Variants in DNAH3 observed in about 807,000 individuals in gnomAD.
The protein encoded by DNAH3 is dynein axonemal heavy chain 3.
DNAH3 carries 332 observed loss-of-function variants against 432.5 expected under a neutral mutation model. The observed-to-expected ratio is 0.77, with a 90% CI of 0.70 to 0.84. The LOEUF (loss-of-function observed/expected upper bound fraction) is 0.84. Among genes scored for constraint, DNAH3 ranks in the 40% least tolerant of loss-of-function variants. The pLI, the probability that DNAH3 is intolerant of heterozygous loss-of-function variation, is 0.00. For synonymous variants in DNAH3, 1,956 were observed against 1,900.2 expected (o/e 1.03, Z -0.76); for missense variants, 4,861 against 5,114.0 (o/e 0.95, Z 1.51).
At chr16:21,022,241 G>A (rs1419211117) in intron 39 of DNAH3, 141 bp from the exon 40 acceptor site, 8 of 810,772 alleles carry the variant, frequency 9.9e-6, no homozygotes, top group African/African-American at 1.7e-5. Flanking sequence ...AAAACTTATA[G>A]GCAACAAGAC....
At chr16:20,961,384 C>T (rs1567532377) in intron 53 of DNAH3, among the ~76,000 whole-genome samples, 1 of 151,964 alleles carries the variant, frequency 6.6e-6, no homozygotes, top group Non-Finnish European at 1.5e-5. Flanking sequence ...TTAGGAGATA[C>T]ACCTAATGTA....
exon 50 of DNAH3, chr16:20,979,347 C>T (rs867342246): frequency 3.7e-6 from 6 of 1,614,040 alleles, no homozygotes; most frequent in Non-Finnish European, 3.4e-6. Context: ...GCTGCAAAGT[C>T]GAGTTTCTGC....
chr16:21,133,721 C>T (rs564972956), intron 7 of DNAH3, among the ~76,000 whole-genome samples: 10 of 152,284 alleles, frequency 6.6e-5, no homozygotes, highest in Admixed American at 6.5e-4. Context: ...GCCTGGGTAA[C>T]AAGAGCCAAA....
Position 21,049,551 on chromosome 16 carries a change from G to A in DNAH3, c.4461+18C>T. ...CCATGCACAGCTTCTTTGTTCTGCA[G>A]CCTAGAGGCAGAGTTACCTCGATCC... On this transcript the variant is annotated intron_variant, in intron 31 of 61. Transcript: ENST00000261383. 6.2e-7 allele frequency: 1 copy of A among 1,608,084 alleles called. No homozygotes were observed. Among genetic ancestry groups the A allele is most frequent in the Non-Finnish European group, 8.5e-7 (1 of 1,174,576 alleles).
chr16:21,096,944 T>A (rs538686755), intron 18 of DNAH3, among the ~76,000 whole-genome samples: 3 of 152,322 alleles, frequency 2.0e-5, no homozygotes, highest in African/African-American at 7.2e-5. Context: ...TTAACCCATA[T>A]CGGATCAATC....
At chr16:20,985,210 G>A in exon 48 of DNAH3, 1 of 1,614,188 alleles carries the variant, frequency 6.2e-7, no homozygotes, top group Non-Finnish European at 8.5e-7. Flanking sequence ...CACGTCACCT[G>A]TGTTCAGAAG....
chr16:21,102,300 T>C (rs2091856205), intron 16 of DNAH3, among the ~76,000 whole-genome samples: 1 of 152,192 alleles, frequency 6.6e-6, no homozygotes, highest in African/African-American at 2.4e-5. Context: ...ATTGTTCCCA[T>C]TCCTCACAGA....
At chr16:21,033,990 G>A (rs1196998254) in exon 36 of DNAH3, 9 of 1,613,460 alleles carry the variant, frequency 5.6e-6, no homozygotes, top group Non-Finnish European at 5.1e-6. Flanking sequence ...GTAAATCGCC[G>A]AGAGCTGCAG....
intron 51 of DNAH3, among the ~76,000 whole-genome samples, chr16:20,970,778 C>A (rs575452133): frequency 6.6e-6 from 1 of 151,744 alleles, no homozygotes; most frequent in South Asian, 2.1e-4. Context: ...CAAACCATTG[C>A]GCTTGTGAAT....
rs879449661 is a variant in DNAH3, at chr16:21,077,237, A to C, written c.2970-1676T>G. Among the ~76,000 whole-genome samples, 8 of 151,990 alleles carry C rather than the reference A, an allele frequency of 5.3e-5. No homozygotes were observed. The East Asian group carries it at 1.5e-3, about 29-fold the overall frequency. On this transcript the variant is annotated intron_variant, in intron 20 of 61. Coordinates refer to ENST00000261383, the Ensembl canonical transcript of DNAH3. ...GAGTGCAGTGGCATGATCTTGGCTCACTGCAACCTCTGCCTCCCGGATTCA... is the reference window on the plus strand; with the variant it reads ...GAGTGCAGTGGCATGATCTTGGCTCCCTGCAACCTCTGCCTCCCGGATTCA...
intron 1 of DNAH3, among the ~76,000 whole-genome samples, chr16:21,148,648 A>C (rs986268242): frequency 6.6e-6 from 1 of 152,106 alleles, no homozygotes; most frequent in African/African-American, 2.4e-5. Context: ...GCAGAACACA[A>C]TGGAAAGAGG....
In DNAH3 at chr16:21,097,336, G is replaced by A; in HGVS notation, c.2665+19C>T. The A allele has an allele frequency of 6.2e-7, 1 of 1,612,952 alleles. No individual in the cohort carries two copies. The stretch of plus-strand genomic sequence containing the variant: ...CACCTCATCCCCATCTGTCCCAGCA[G>A]AGTGAGATCACCACATACCATTCAT... On this transcript the variant is annotated intron_variant, in intron 18 of 61. Transcript: ENST00000261383.
At chr16:21,153,595 A>T (rs1307700701) in intron 1 of DNAH3, among the ~76,000 whole-genome samples, 1 of 152,122 alleles carries the variant, frequency 6.6e-6, no homozygotes, top group Non-Finnish European at 1.5e-5. Context: ...TTGTTCTTTC[A>T]CTGTTTGGGT....
At chr16:21,113,356 C>G (rs1296765736) in intron 12 of DNAH3, among the ~76,000 whole-genome samples, 1 of 152,160 alleles carries the variant, frequency 6.6e-6, no homozygotes, top group Non-Finnish European at 1.5e-5. Context: ...TCCTCATTAT[C>G]TCTTCTGGCA....
rs750920796 is a variant in DNAH3 at position 21,000,322 on chromosome 16, G to T, written c.6323C>A (p.Ser2108Ter). The change falls in exon 43 of 62, where the codon TCA (serine) becomes TAA (stop). Residue 2108 changes from serine (S) to a stop codon, truncating the protein, a stop_gained. Coordinates refer to ENST00000261383, the Ensembl canonical transcript of DNAH3. LOFTEE classifies it high-confidence loss of function. ...GATGATATCCTGGGTCTGATTGGCTGAGGTTCTGGCAGAGAAATTGATGCA... is the reference window on the plus strand; with the variant it reads ...GATGATATCCTGGGTCTGATTGGCTTAGGTTCTGGCAGAGAAATTGATGCA... 1 of 1,614,198 alleles carries T rather than the reference G, an allele frequency of 6.2e-7. No individual in the cohort carries two copies. The highest frequency in any genetic ancestry group is 8.5e-7 in the Non-Finnish European group (1 of 1,180,038).
chr16:20,980,322 ATATAC>A lies in DNAH3; in HGVS notation c.7860-781_7860-777del, dbSNP rs1223202961. 7.9e-5 allele frequency among the ~76,000 whole-genome samples: 8 copies of A among 101,768 alleles called. No homozygotes were observed. The East Asian group carries it at 8.0e-4, about 10-fold the overall frequency. The allele number at this position is 101,768 out of a possible 152,430, so 66.8% of individuals were successfully genotyped here. A position where few individuals can be genotyped will look rare whatever the true frequency, so the allele number is the denominator to read the frequency against. The stretch of plus-strand genomic sequence containing the variant: ...CATATATTATATTATATATTATAAT[ATATAC>A]TATATTATATTTTATTATATTTATT... On this transcript the variant is annotated intron_variant, in intron 49 of 61. Coordinates refer to ENST00000261383, the Ensembl canonical transcript of DNAH3.
intron 14 of DNAH3, among the ~76,000 whole-genome samples, chr16:21,108,987 G>C (rs2092008480): frequency 1.3e-5 from 2 of 151,714 alleles, no homozygotes; most frequent in African/African-American, 4.8e-5. Context: ...GCCGGGTGTG[G>C]TGGCACACAC....
intron 1 of DNAH3, chr16:21,159,252 T>G: frequency 1.5e-6 from 2 of 1,308,820 alleles, no homozygotes; most frequent in South Asian, 2.3e-5. Context: ...AATTAATAAC[T>G]AAGTACTCGA....
At position 21,033,010 on chromosome 16, in the gene DNAH3, G is replaced by T. The variant is rs1037791577; in HGVS notation, c.5197+964C>A. Among the ~76,000 whole-genome samples, 2 of 152,078 alleles carry T rather than the reference G, an allele frequency of 1.3e-5. 1 individual carries two copies. Among genetic ancestry groups the T allele is most frequent in the South Asian group, 4.2e-4 (2 of 4,808 alleles). ...AGACTGGATCTCACTCACCCAGGCTGCAATTGCAGTGCAGTGCGCAATCAT... is the reference window on the plus strand; with the variant it reads ...AGACTGGATCTCACTCACCCAGGCTTCAATTGCAGTGCAGTGCGCAATCAT... On this transcript the variant is annotated intron_variant, in intron 36 of 61. Coordinates refer to ENST00000261383, the Ensembl canonical transcript of DNAH3.
Sources: allele counts gnomAD v4.1 joint callset (sites outside exome capture counted in the v4.1 genomes callset), GRCh38; gene constraint gnomAD v4.1.1; transcripts MANE v1.5; gene names NCBI Gene and HGNC (gene_info 2026-07-23, HGNC 2026-07-21).